Variants in SPATA1 observed in about 807,000 individuals in gnomAD.
SPATA1 encodes spermatogenesis-associated protein 1.
A neutral mutation model predicts 59.6 loss-of-function variants in SPATA1; 57 were observed. That is an observed-to-expected ratio of 0.96 (90% CI 0.77 to 1.19). The LOEUF (loss-of-function observed/expected upper bound fraction) is 1.19. Among genes scored for constraint, SPATA1 ranks in the 50% most tolerant of loss-of-function variants. SPATA1 has a pLI of 0.00. For missense variants in SPATA1, 448 were observed against 480.7 expected (o/e 0.93, Z 0.64); for synonymous variants, 147 against 163.9 (o/e 0.90, Z 0.79).
intron 2 of SPATA1, among the ~76,000 whole-genome samples, chr1:84,518,977 T>G (rs1682905982): frequency 6.6e-6 from 1 of 152,092 alleles, no homozygotes; most frequent in Non-Finnish European, 1.5e-5. Flanking sequence ...ATTTTAAAAA[T>G]TGTACTTCTT....
chr1:84,538,718 G>A lies in SPATA1; in HGVS notation c.717+4952G>A, dbSNP rs570104923. Among the ~76,000 whole-genome samples, 320 of 152,324 alleles carry A rather than the reference G, an allele frequency of 2.1e-3. 2 individuals carry two copies. Among genetic ancestry groups the A allele is most frequent in the Admixed American group, 3.1e-3 (47 of 15,300 alleles). On this transcript the variant is annotated intron_variant, in intron 8 of 12. Transcript: ENST00000490879. ...TGAATCAGAAGCCTGCCAACTTTGA[G>A]TGGGACTTAAACAAGAGAAGGCTTG...
At chr1:84,510,452 A>G (rs1682487528) in intron 1 of SPATA1, among the ~76,000 whole-genome samples, 1 of 152,214 alleles carries the variant, frequency 6.6e-6, no homozygotes, top group African/African-American at 2.4e-5. Context: ...TCAAAACTAC[A>G]ATGAGATATC....
downstream of SPATA1, chr1:84,555,011 C>T: frequency 1.9e-6 from 3 of 1,613,584 alleles, no homozygotes; most frequent in Non-Finnish European, 2.5e-6. Flanking sequence ...ATCTCTGTAA[C>T]AGCTTTGGCT....
intron 1 of SPATA1, among the ~76,000 whole-genome samples, chr1:84,514,081 G>A (rs995991634): frequency 2.0e-5 from 3 of 152,012 alleles, no homozygotes; most frequent in Middle Eastern, 3.2e-3. Context: ...CTGACCTCAG[G>A]CAATCCGCCC....
exon 4 of SPATA1, chr1:84,522,416 C>G: frequency 6.7e-7 from 1 of 1,502,552 alleles, no homozygotes; most frequent in Non-Finnish European, 8.9e-7. Context: ...ACTTTACGAG[C>G]CCTGAGGGAG....
At chr1:84,544,903 A>G (rs1261170153) in intron 9 of SPATA1, among the ~76,000 whole-genome samples, 1 of 151,504 alleles carries the variant, frequency 6.6e-6, no homozygotes, top group East Asian at 2.0e-4. Context: ...AGTCACCAAC[A>G]TTATTTCATT....
intron 4 of SPATA1, among the ~76,000 whole-genome samples, chr1:84,564,918 A>G (rs1181454806): frequency 6.6e-6 from 1 of 152,048 alleles, no homozygotes. Context: ...GCATGCCTGT[A>G]TACCCAGCTA....
intron 6 of SPATA1, among the ~76,000 whole-genome samples, chr1:84,527,194 C>T (rs1290507913): frequency 6.6e-6 from 1 of 152,064 alleles, no homozygotes; most frequent in Non-Finnish European, 1.5e-5. Context: ...TAGTCAACAT[C>T]TGGGGGATGC....
intron 8 of SPATA1, among the ~76,000 whole-genome samples, chr1:84,541,934 GTTT>G (rs139183189): frequency 2.7e-5 from 4 of 150,728 alleles, no homozygotes; most frequent in African/African-American, 9.7e-5. Context: ...AGGTTTTTGA[GTTT>G]TTTTTGTTTG....
chr1:84,538,222 C>T (rs1052115500), intron 8 of SPATA1, among the ~76,000 whole-genome samples: 2 of 152,194 alleles, frequency 1.3e-5, no homozygotes, highest in African/African-American at 4.8e-5. Context: ...TTTATTAGAA[C>T]AAATTATTAC....
In SPATA1 at chr1:84,511,933, C is replaced by T. The variant is rs953808130; in HGVS notation, c.-137-4290C>T. 1.8e-4 allele frequency among the ~76,000 whole-genome samples: 28 copies of T among 152,240 alleles called. No homozygotes were observed. The Middle Eastern group carries it at 0.01, about 55-fold the overall frequency. On this transcript the variant is annotated intron_variant, in intron 1 of 12. Transcript: ENST00000490879. ...CCGACCTCAGGGGATCCACCCGCCT[C>T]GGCCTCCCAAAGTGCTGGGATTATA... is the stretch of plus-strand genomic sequence containing the variant.
rs775376544 is a variant in SPATA1 at position 84,566,033 on chromosome 1, A to G, written n.615A>G. 4.8e-6 allele frequency: 7 copies of G among 1,467,192 alleles called. No homozygotes were observed. In the South Asian group the frequency reaches 6.0e-5, roughly 13 times the overall value. 90.9% of individuals were successfully genotyped at this position (1,467,192 alleles called of 1,614,324 possible). A position where few individuals can be genotyped will look rare whatever the true frequency, so the allele number is the denominator to read the frequency against. ...GTTACCTGTGGAAAAAAATCTTACT[A>G]TTTTATGTAATATGATCACGTGTGC... On this transcript the variant is annotated non_coding_transcript_exon_variant, in exon 5 of 5. Coordinates refer to the SPATA1 transcript ENST00000460286.
chr1:84,566,071 A>G, exon 5 of SPATA1: 1 of 1,071,688 alleles, frequency 9.3e-7, no homozygotes, highest in Non-Finnish European at 1.2e-6. Flanking sequence ...ATTACGTCAG[A>G]TTTTTAAAAT....
chr1:84,550,755 A>C (rs1684246542), intron 12 of SPATA1: 2 of 1,086,596 alleles, frequency 1.8e-6, no homozygotes, highest in Non-Finnish European at 2.2e-6. Flanking sequence ...AATTTAGTAA[A>C]ATTTTACTAG....
intron 8 of SPATA1, among the ~76,000 whole-genome samples, chr1:84,542,201 T>C (rs935479567): frequency 1.3e-5 from 2 of 152,166 alleles, no homozygotes; most frequent in African/African-American, 4.8e-5. Context: ...TGACCTCAGG[T>C]GATCCACCCG....
At chr1:84,538,377 T>G (rs1683784378) in intron 8 of SPATA1, among the ~76,000 whole-genome samples, 1 of 152,238 alleles carries the variant, frequency 6.6e-6, no homozygotes, top group Admixed American at 6.5e-5. Flanking sequence ...TCTGGCTCCT[T>G]GTCGTAATCT....
At chr1:84,534,701 T>G (rs76933202) in intron 8 of SPATA1, among the ~76,000 whole-genome samples, 7,591 of 152,228 alleles carry the variant, frequency 0.05, 255 homozygotes, top group Admixed American at 0.09. Context: ...TTATGTATGT[T>G]AATTCATTTA....
At chr1:84,528,095 T>C (rs183137125) in intron 6 of SPATA1, among the ~76,000 whole-genome samples, 15 of 152,350 alleles carry the variant, frequency 9.8e-5, no homozygotes, top group African/African-American at 2.9e-4. Flanking sequence ...GAAATTTAAC[T>C]GCTGTTTCTA....
intron 6 of SPATA1, among the ~76,000 whole-genome samples, chr1:84,529,219 T>C (rs1253789063): frequency 6.6e-6 from 1 of 152,224 alleles, no homozygotes; most frequent in East Asian, 1.9e-4. Context: ...TATAAGTAAT[T>C]CTTTTCGATA....
Sources: allele counts gnomAD v4.1 joint callset (sites outside exome capture counted in the v4.1 genomes callset), GRCh38; gene constraint gnomAD v4.1.1; transcripts MANE v1.5; gene names NCBI Gene and HGNC (gene_info 2026-07-23, HGNC 2026-07-21).